The following MCC variants were observed in gnomAD, a reference collection of about 807,000 sequenced individuals.
MCC encodes the protein colorectal mutant cancer protein.
A neutral mutation model predicts 116.2 loss-of-function variants in MCC; 90 were observed. That is an observed-to-expected ratio of 0.77 (90% CI 0.65 to 0.92). The LOEUF is 0.92. Among genes scored for constraint, MCC ranks in the 40% least tolerant of loss-of-function variants. The pLI is 0.00. For missense variants in MCC, 1,516 were observed against 1,312.2 expected (o/e 1.16, Z -2.40); for synonymous variants, 578 against 510.5 (o/e 1.13, Z -1.78).
At chr5:113,173,748 C>T (rs948520208) in intron 3 of MCC, among the ~76,000 whole-genome samples, 3 of 152,144 alleles carry the variant, frequency 2.0e-5, no homozygotes, top group African/African-American at 4.8e-5. Context: ...GTAGCTAGTA[C>T]AGTGTACTAG....
intron 17 of MCC, 120 bp from the exon 18 acceptor site, chr5:113,029,176 A>G: frequency 1.0e-6 from 1 of 957,154 alleles, no homozygotes; most frequent in Non-Finnish European, 1.5e-6. Flanking sequence ...AAGGCAAGGG[A>G]GAGAAAAGAT....
At chr5:113,069,673 A>G (rs1753893692) in intron 12 of MCC, among the ~76,000 whole-genome samples, 1 of 152,070 alleles carries the variant, frequency 6.6e-6, no homozygotes, top group East Asian at 1.9e-4. Flanking sequence ...GGTTCACGCC[A>G]TTATCCTGCC....
intron 13 of MCC, among the ~76,000 whole-genome samples, chr5:113,065,153 A>C (rs1436344763): frequency 1.3e-5 from 2 of 152,190 alleles, no homozygotes; most frequent in Admixed American, 1.3e-4. Context: ...AACCCATAGA[A>C]TGTACAGCAC....
rs185399000 is a variant in MCC, at chr5:113,201,625, A to T, written c.628-50203T>A. Among the ~76,000 whole-genome samples, 219 of 152,306 alleles carry T rather than the reference A, an allele frequency of 1.4e-3. 4 individuals are homozygous for T. In the Middle Eastern group the frequency reaches 0.017, roughly 12 times the overall value. ...TGACATCCTCATTTTCCAAACTTTTATGAAAACTTGAAAGAAATATTAAAA... is the reference window on the plus strand; with the variant it reads ...TGACATCCTCATTTTCCAAACTTTTTTGAAAACTTGAAAGAAATATTAAAA... On this transcript the variant is annotated intron_variant, in intron 3 of 18. Transcript: ENST00000408903.
intron 3 of MCC, among the ~76,000 whole-genome samples, chr5:113,240,530 T>C (rs567408783): frequency 6.6e-6 from 1 of 152,326 alleles, no homozygotes; most frequent in East Asian, 1.9e-4. Flanking sequence ...CTCTAGCATA[T>C]GTAGCTTGAC....
At chr5:113,231,338 C>T (rs1763935350) in intron 3 of MCC, among the ~76,000 whole-genome samples, 1 of 152,172 alleles carries the variant, frequency 6.6e-6, no homozygotes, top group Non-Finnish European at 1.5e-5. Flanking sequence ...ATTACATTCT[C>T]ACACATCACC....
rs1037717659 is a variant in MCC at position 113,382,636 on chromosome 5, C to G, written c.415+2332G>C. Among the ~76,000 whole-genome samples, 6 of 152,078 alleles carry G rather than the reference C, an allele frequency of 3.9e-5. 1 individual carries two copies. On this transcript the variant is annotated intron_variant, in intron 2 of 18. Transcript: ENST00000408903. ...TTTCCCAATCCCCAGGACTTAAAACCGGGTGGTAATAATAATAAGAATATT... is the reference window on the plus strand; with the variant it reads ...TTTCCCAATCCCCAGGACTTAAAACGGGGTGGTAATAATAATAAGAATATT...
intron 5 of MCC, among the ~76,000 whole-genome samples, chr5:113,136,704 T>C (rs1341742279): frequency 6.6e-6 from 1 of 152,226 alleles, no homozygotes; most frequent in East Asian, 1.9e-4. Flanking sequence ...TTGTATCCTG[T>C]AACTTTACTG....
intron 3 of MCC, among the ~76,000 whole-genome samples, chr5:113,198,967 G>A (rs554705239): frequency 2.4e-4 from 36 of 152,144 alleles, no homozygotes; most frequent in Middle Eastern, 3.4e-3. Context: ...TTGGGAGGCC[G>A]AGGTGGGCGG....
At chr5:113,065,145 C>G (rs996876353) in intron 13 of MCC, among the ~76,000 whole-genome samples, 4 of 152,138 alleles carry the variant, frequency 2.6e-5, no homozygotes, top group Non-Finnish European at 5.9e-5. Context: ...TTGGCCCAAA[C>G]CCATAGAATG....
At chr5:113,313,784 TTCTC>T (rs926562593) in intron 3 of MCC, among the ~76,000 whole-genome samples, 18 of 151,262 alleles carry the variant, frequency 1.2e-4, no homozygotes, top group Non-Finnish European at 2.1e-4. Context: ...GCCATTTTCT[TTCTC>T]TCTCTCTCTG....
chr5:113,381,018 T>C (rs191609687), intron 2 of MCC, among the ~76,000 whole-genome samples: 10 of 152,342 alleles, frequency 6.6e-5, no homozygotes, highest in Admixed American at 6.5e-4. Flanking sequence ...TAAGCATGAT[T>C]TTATAACTTT....
intron 1 of MCC, among the ~76,000 whole-genome samples, chr5:113,417,472 T>C (rs1770185324): frequency 2.0e-5 from 3 of 152,222 alleles, no homozygotes; most frequent in African/African-American, 7.2e-5. Context: ...GTGATTTCCC[T>C]GTGCACCAGT....
intron 3 of MCC, among the ~76,000 whole-genome samples, chr5:113,228,772 T>A (rs1003810861): frequency 6.6e-6 from 1 of 152,046 alleles, no homozygotes; most frequent in Non-Finnish European, 1.5e-5. Flanking sequence ...AGAGACCAGT[T>A]ACAAAAACAA....
rs747722394 is a variant in MCC at position 113,064,152 on chromosome 5, T to C, written c.2045A>G (p.Asp682Gly). Residue 682 changes from aspartate (D) to glycine (G), a missense_variant, in exon 14 of 19, where the codon GAT (aspartate) becomes GGT (glycine). Transcript: ENST00000408903. ...VGSSPGDQSG[D>G]ENITQMLKRA... ...CTTGAGCATCTGAGTGATGTTTTCA[T>C]CCCCCGACTGGTCTCCTATGTGGCA... is the stretch of plus-strand genomic sequence containing the variant. 5 of 1,611,838 alleles carry C rather than the reference T, an allele frequency of 3.1e-6. No individual in the cohort carries two copies. In the South Asian group the frequency reaches 3.3e-5, roughly 11 times the overall value.
chr5:113,270,552 T>C (rs539123380), intron 3 of MCC, among the ~76,000 whole-genome samples: 42 of 151,034 alleles, frequency 2.8e-4, no homozygotes, highest in African/African-American at 1.0e-3. Flanking sequence ...AAGATAACAA[T>C]GTGTCGTCCC....
chr5:113,167,138 T>C (rs1348432), intron 3 of MCC, among the ~76,000 whole-genome samples: 7,830 of 152,170 alleles, frequency 0.051, 316 homozygotes, highest in African/African-American at 0.11. Context: ...TTTACACCAA[T>C]AGATGCGCTG....
At chr5:113,163,136 A>C (rs1454615991) in intron 3 of MCC, among the ~76,000 whole-genome samples, 1 of 152,130 alleles carries the variant, frequency 6.6e-6, no homozygotes, top group Non-Finnish European at 1.5e-5. Flanking sequence ...ATGGGTCCTC[A>C]TATCATTCAG....
Position 113,068,144 on chromosome 5 carries a change from C to A in MCC, c.1965G>T (p.Leu655=). ...GGATGAGGCTCTGCTCACTCTCTGC[C>A]AGCGCCAGGAGGAGTTCGTAGGCTT... ...CIEAYELLLA[L]AESEQSLILG... The change falls in exon 13 of 19, where the codon CTG becomes CTT. Residue 655 remains leucine (L), a synonymous_variant. Coordinates refer to ENST00000408903, the MANE Select transcript of MCC (RefSeq NM_001085377.2). 2 of 1,614,180 alleles carry A rather than the reference C, an allele frequency of 1.2e-6. No homozygotes were observed. The highest frequency in any genetic ancestry group is 1.7e-6 in the Non-Finnish European group (2 of 1,180,030).
Sources: allele counts gnomAD v4.1 joint callset (sites outside exome capture counted in the v4.1 genomes callset), GRCh38; gene constraint gnomAD v4.1.1; transcripts MANE v1.5; gene names NCBI Gene and HGNC (gene_info 2026-07-23, HGNC 2026-07-21).